The following PPFIA1 variants were observed in gnomAD, a reference collection of about 807,000 sequenced individuals.
The protein encoded by PPFIA1 is PPFI scaffold protein A1.
PPFIA1 carries 25 observed loss-of-function variants against 149.9 expected under a neutral mutation model. That is an observed-to-expected ratio of 0.17 (90% CI 0.12 to 0.23). The LOEUF is 0.23. Ranked by LOEUF, PPFIA1 falls within the 10% of genes least tolerant of loss-of-function variation. PPFIA1 has a pLI of 1.00. For missense variants in PPFIA1, 1,362 were observed against 1,506.5 expected, an observed-to-expected ratio of 0.90 and a Z score of 1.59; for synonymous variants, 549 against 552.8, an observed-to-expected ratio of 0.99 and a Z score of 0.10.
rs114550163 is a variant in PPFIA1, at chr11:70,348,517, C to A, written c.2163+97C>A. The A allele has an allele frequency of 1.5e-3, 1,490 of 1,018,188 alleles. 20 individuals are homozygous for A. In the African/African-American group the frequency reaches 0.022, roughly 15 times the overall value. 63.1% of individuals were successfully genotyped at this position (1,018,188 alleles called of 1,614,324 possible). Reference sequence around the variant, plus strand: ...TACCCACAAGAAAATCAAGTACATTCGTTATTCTAAGAGGTTCAAGATTAT... The same window carrying A: ...TACCCACAAGAAAATCAAGTACATTAGTTATTCTAAGAGGTTCAAGATTAT... On this transcript the variant is annotated intron_variant, in intron 16 of 27. Transcript: ENST00000253925.
At chr11:70,286,084 C>G (rs1427246365) in intron 2 of PPFIA1, among the ~76,000 whole-genome samples, 1 of 152,150 alleles carries the variant, frequency 6.6e-6, no homozygotes, top group African/African-American at 2.4e-5. Context: ...CTGTACTCCT[C>G]CACTCTTGGC....
At position 70,366,027 on chromosome 11, in the gene PPFIA1, G is replaced by A. The variant is rs569996159; in HGVS notation, c.2865+3539G>A. Reference sequence around the variant, plus strand: ...TGTACAGCAGCAAAAAGCAATTGGAGTATGAAAACTTGTGTAATCTACTTT... The same window carrying A: ...TGTACAGCAGCAAAAAGCAATTGGAATATGAAAACTTGTGTAATCTACTTT... On this transcript the variant is annotated intron_variant, in intron 21 of 27. Coordinates refer to ENST00000253925, the MANE Select transcript of PPFIA1 (RefSeq NM_003626.5). 117 of 447,892 alleles carry A rather than the reference G, an allele frequency of 2.6e-4. 3 individuals carry two copies. The highest frequency in any genetic ancestry group is 1.8e-3 in the South Asian group (115 of 62,520). The allele number at this position is 447,892 out of a possible 1,614,324, so 27.7% of individuals were successfully genotyped here.
intron 11 of PPFIA1, 32 bp from the exon 12 acceptor site, chr11:70,337,333 G>GA: frequency 6.8e-7 from 1 of 1,459,880 alleles, no homozygotes; most frequent in East Asian, 2.4e-5. Context: ...ACATTTTAAA[G>GA]AAACACTAAA....
chr11:70,361,889 A>G (rs965877863), intron 19 of PPFIA1, among the ~76,000 whole-genome samples: 5 of 151,342 alleles, frequency 3.3e-5, no homozygotes, highest in African/African-American at 1.2e-4. Flanking sequence ...TCTCCCGAGT[A>G]GCTGGGACTA....
chr11:70,359,176 C>A (rs769686161), intron 19 of PPFIA1, among the ~76,000 whole-genome samples: 3 of 152,146 alleles, frequency 2.0e-5, no homozygotes, highest in Non-Finnish European at 4.4e-5. Flanking sequence ...CTCACTGCAG[C>A]CTTGACCTTT....
intron 2 of PPFIA1, among the ~76,000 whole-genome samples, chr11:70,304,123 C>T (rs1016368140): frequency 6.6e-6 from 1 of 152,178 alleles, no homozygotes; most frequent in Non-Finnish European, 1.5e-5. Context: ...GTTGGGTTAT[C>T]CAGTGGCCAA....
intron 24 of PPFIA1, 101 bp downstream of exon 24, chr11:70,375,194 A>AC (rs926295166): frequency 1.2e-5 from 5 of 414,836 alleles, no homozygotes; most frequent in African/African-American, 9.0e-5. Flanking sequence ...AAAAAAAAAA[A>AC]AAAAAAAACT....
intron 16 of PPFIA1, among the ~76,000 whole-genome samples, chr11:70,352,773 T>TG (rs749718973): frequency 7.5e-4 from 43 of 57,242 alleles, no homozygotes; most frequent in African/African-American, 3.9e-3. Context: ...TGTGGAGGTG[T>TG]CGGAGGGCGG....
intron 24 of PPFIA1, 83 bp from the exon 25 acceptor site, chr11:70,376,449 T>C: frequency 3.7e-6 from 5 of 1,367,134 alleles, no homozygotes; most frequent in Non-Finnish European, 5.2e-6. Context: ...GTTTAAGTCT[T>C]GGTTTAAAAA....
chr11:70,335,734 C>A (rs76351416), intron 11 of PPFIA1, 40 bp downstream of exon 11: 3 of 1,609,384 alleles, frequency 1.9e-6, no homozygotes, highest in South Asian at 1.1e-5. Flanking sequence ...CTTTCCCACC[C>A]TCTGCCAAAA....
intron 7 of PPFIA1, among the ~76,000 whole-genome samples, chr11:70,328,811 T>C (rs530095452): frequency 6.6e-6 from 1 of 152,312 alleles, no homozygotes; most frequent in East Asian, 1.9e-4. Context: ...TTGATTGGCA[T>C]TTGTCTAATC....
chr11:70,282,063 T>C (rs1478803781), intron 2 of PPFIA1, among the ~76,000 whole-genome samples: 3 of 152,078 alleles, frequency 2.0e-5, no homozygotes, highest in Non-Finnish European at 4.4e-5. Context: ...CTGCTTCTCA[T>C]GACATTGTCC....
chr11:70,322,684 C>A (rs527632805), intron 2 of PPFIA1, among the ~76,000 whole-genome samples: 1 of 152,194 alleles, frequency 6.6e-6, no homozygotes, highest in Non-Finnish European at 1.5e-5. Flanking sequence ...TCAGGAGCAG[C>A]CTTGTCTCCA....
chr11:70,333,580 G>T, intron 10 of PPFIA1, 27 bp downstream of exon 10: 2 of 1,575,324 alleles, frequency 1.3e-6, no homozygotes, highest in South Asian at 1.1e-5. Flanking sequence ...GAGGGTGGGG[G>T]CGCTGAGTGG....
At position 70,355,065 on chromosome 11, in the gene PPFIA1, C is replaced by T. The variant is rs140427377; in HGVS notation, c.2316-574C>T. The stretch of plus-strand genomic sequence containing the variant: ...AACTACAGGCGCACACCACCATGCC[C>T]GGCTAATTTTTGTATTTTTAGTAAA... On this transcript the variant is annotated intron_variant, in intron 17 of 27. Coordinates refer to ENST00000253925, the MANE Select transcript of PPFIA1 (RefSeq NM_003626.5). 2.8e-3 allele frequency among the ~76,000 whole-genome samples: 423 copies of T among 152,126 alleles called. 1 individual carries two copies. The highest frequency in any genetic ancestry group is 9.9e-3 in the African/African-American group (410 of 41,502).
chr11:70,333,027 C>T (rs1316252991), intron 9 of PPFIA1: 1 of 457,146 alleles, frequency 2.2e-6, no homozygotes, highest in East Asian at 6.9e-5. Context: ...TGTAGTCTGA[C>T]CTTTTGTCTT....
chr11:70,378,422 A>G (rs2057575486), intron 26 of PPFIA1: 1 of 1,263,834 alleles, frequency 7.9e-7, no homozygotes. Context: ...GAATCTTAGC[A>G]TATTTTTCCA....
intron 2 of PPFIA1, among the ~76,000 whole-genome samples, chr11:70,288,369 C>G (rs961389095): frequency 6.6e-6 from 1 of 152,162 alleles, no homozygotes; most frequent in Non-Finnish European, 1.5e-5. Flanking sequence ...CGCGCCCGGC[C>G]TCCCCTCTGC....
chr11:70,317,301 G>C (rs1565386083), intron 2 of PPFIA1, among the ~76,000 whole-genome samples: 1 of 151,984 alleles, frequency 6.6e-6, no homozygotes, highest in Non-Finnish European at 1.5e-5. Flanking sequence ...ACAGGAACAT[G>C]CTTTTGGGAT....
Sources: gnomAD v4.1 joint callset for allele counts (sites outside exome capture counted in the v4.1 genomes callset) on GRCh38, gnomAD v4.1.1 for gene constraint, MANE v1.5 for transcripts, NCBI Gene and HGNC (gene_info 2026-07-23, HGNC 2026-07-21) for gene names.